Variants in PGLYRP3 observed in about 807,000 individuals in gnomAD.
The protein encoded by PGLYRP3 is peptidoglycan recognition protein 3.
A neutral mutation model predicts 36.0 loss-of-function variants in PGLYRP3; 39 were observed. That is an observed-to-expected ratio of 1.08 (90% CI 0.84 to 1.41). PGLYRP3 has a LOEUF of 1.41. Among genes scored for constraint, PGLYRP3 ranks in the 40% most tolerant of loss-of-function variants. PGLYRP3 has a pLI of 0.00. For synonymous variants in PGLYRP3, 204 were observed against 172.8 expected, an observed-to-expected ratio of 1.18 and a Z score of -1.42; for missense variants, 407 against 427.9, an observed-to-expected ratio of 0.95 and a Z score of 0.43.
Position 153,306,744 on chromosome 1 carries a change from C to T in PGLYRP3, c.257+322G>A, listed in dbSNP as rs185075839. Among the ~76,000 whole-genome samples the T allele has an allele frequency of 5.3e-3, 806 of 152,250 alleles. 18 individuals carry two copies. The highest frequency in any genetic ancestry group is 0.043 in the Admixed American group (664 of 15,304). On this transcript the variant is annotated intron_variant, in intron 3 of 7. Coordinates refer to ENST00000683862, the MANE Select transcript of PGLYRP3 (RefSeq NM_052891.3). ...CTCAGAGTAGCTGGGAGGGCCAAAT[C>T]GGGTGATATTTGTGAAGACCTCTGT...
rs535766745 is a variant in PGLYRP3 at position 153,297,499 on chromosome 1, AAAGGAAGG to A, written c.*449_*456del. 2.4e-3 allele frequency among the ~76,000 whole-genome samples: 128 copies of A among 52,744 alleles called. No individual in the cohort carries two copies. Among genetic ancestry groups the A allele is most frequent in the East Asian group, 9.9e-3 (13 of 1,316 alleles). 34.6% of individuals were successfully genotyped at this position (52,744 alleles called of 152,430 possible). ...GAGTGAGAAAGCAAGAAAGAAGGTG[AAAGGAAGG>A]AAGGAAGGAAGGAAGGAAGGAAGGA... On this transcript the variant is annotated 3_prime_UTR_variant, in exon 8 of 8. Transcript: ENST00000683862.
intron 6 of PGLYRP3, among the ~76,000 whole-genome samples, chr1:153,301,754 T>C (rs1188763466): frequency 3.3e-5 from 5 of 152,260 alleles, no homozygotes; most frequent in African/African-American, 1.2e-4. Flanking sequence ...TGAAATACAT[T>C]ATACTCTAGC....
intron 1 of PGLYRP3, among the ~76,000 whole-genome samples, chr1:153,312,370 C>T (rs1421301824): frequency 6.6e-6 from 1 of 152,156 alleles, no homozygotes; most frequent in African/African-American, 2.4e-5. Context: ...GAATTTAGGG[C>T]TCTACAGAAA....
At position 153,297,891 on chromosome 1, in the gene PGLYRP3, G is replaced by C. The variant is rs974910997; in HGVS notation, c.*65C>G. On this transcript the variant is annotated 3_prime_UTR_variant, in exon 8 of 8. Coordinates refer to ENST00000683862, the MANE Select transcript of PGLYRP3 (RefSeq NM_052891.3). The stretch of plus-strand genomic sequence containing the variant: ...GGACACAAGGTGCTGAGCCACCTTG[G>C]CTGGTGAGGGTTGGAGAGACCCAGC... 5 of 1,562,100 alleles carry C rather than the reference G, an allele frequency of 3.2e-6. No individual in the cohort carries two copies. The African/African-American group carries it at 5.4e-5, about 17-fold the overall frequency.
intron 4 of PGLYRP3, among the ~76,000 whole-genome samples, chr1:153,304,584 C>G (rs909904752): frequency 6.0e-5 from 6 of 100,150 alleles, no homozygotes; most frequent in Admixed American, 2.4e-4. Flanking sequence ...TGCCTGCTGC[C>G]TTCTGGTCAC....
intron 1 of PGLYRP3, among the ~76,000 whole-genome samples, chr1:153,310,913 C>A (rs1479041732): frequency 2.0e-5 from 3 of 152,128 alleles, no homozygotes; most frequent in Admixed American, 6.5e-5. Context: ...CACCGACTCC[C>A]CACCCACCTC....
chr1:153,302,332 C>T (rs1659616697), intron 6 of PGLYRP3, 77 bp downstream of exon 6: 3 of 1,503,976 alleles, frequency 2.0e-6, no homozygotes, highest in Admixed American at 1.7e-5. Context: ...GCTCAGGAAA[C>T]ATCAGTTCCC....
At chr1:153,306,966 T>C in intron 3 of PGLYRP3, 100 bp downstream of exon 3, 5 of 1,129,936 alleles carry the variant, frequency 4.4e-6, no homozygotes, top group Non-Finnish European at 6.3e-6. Flanking sequence ...ACAAAAGCAA[T>C]GTAAATGAAG....
intron 1 of PGLYRP3, among the ~76,000 whole-genome samples, chr1:153,311,935 C>T (rs1659904122): frequency 6.6e-6 from 1 of 152,138 alleles, no homozygotes; most frequent in African/African-American, 2.4e-5. Flanking sequence ...GAGGCAGGCA[C>T]CTAATAAATA....
At chr1:153,299,913 T>A (rs2101510014) in intron 6 of PGLYRP3, among the ~76,000 whole-genome samples, 1 of 152,332 alleles carries the variant, frequency 6.6e-6, no homozygotes, top group South Asian at 2.1e-4. Flanking sequence ...CTAGACCAAC[T>A]GCCACGATCC....
At chr1:153,300,847 C>A (rs906311192) in intron 6 of PGLYRP3, among the ~76,000 whole-genome samples, 1 of 152,228 alleles carries the variant, frequency 6.6e-6, no homozygotes, top group Admixed American at 6.5e-5. Flanking sequence ...GTTCCTGTAG[C>A]ATGCATATCC....
chr1:153,304,717 G>A (rs1362814814), intron 4 of PGLYRP3, among the ~76,000 whole-genome samples: 3 of 152,286 alleles, frequency 2.0e-5, no homozygotes, highest in South Asian at 2.1e-4. Flanking sequence ...CTCAAGCAAC[G>A]CCCATGCAAG....
intron 7 of PGLYRP3, 57 bp downstream of exon 7, chr1:153,299,056 A>G: frequency 7.1e-7 from 1 of 1,418,282 alleles, no homozygotes; most frequent in East Asian, 2.3e-5. Flanking sequence ...TGCTTCCCAG[A>G]CATGCTGCAT....
At chr1:153,304,057 C>T (rs768849731) in intron 4 of PGLYRP3, 48 bp from the exon 5 acceptor site, 6 of 1,557,882 alleles carry the variant, frequency 3.9e-6, no homozygotes, top group East Asian at 4.5e-5. Context: ...AGAAACTCCA[C>T]CTAGACCAGA....
In PGLYRP3 at chr1:153,297,449, GGGGAGAGAGAGA is replaced by G. The variant is rs1305466255; in HGVS notation, c.*495_*506del. Among the ~76,000 whole-genome samples the G allele has an allele frequency of 1.8e-5, 2 of 113,234 alleles. No homozygotes were observed. Among genetic ancestry groups the G allele is most frequent in the African/African-American group, 3.7e-5 (1 of 26,834 alleles). 74.3% of individuals were successfully genotyped at this position (113,234 alleles called of 152,430 possible). On this transcript the variant is annotated 3_prime_UTR_variant, in exon 8 of 8. Transcript: ENST00000683862. ...GCTCACCAGGCAGAGGCGGGGAGAGGGGGAGAGAGAGAGAGAGAGAGAGAGAGTGAGAAAGCA... is the reference window on the plus strand; with the variant it reads ...GCTCACCAGGCAGAGGCGGGGAGAGGGAGAGAGAGAGAGAGTGAGAAAGCA...
Position 153,303,856 on chromosome 1 carries a change from C to A in PGLYRP3, c.529+1G>T. The A allele has an allele frequency of 6.2e-7, 1 of 1,611,580 alleles. No individual in the cohort carries two copies. On this transcript the variant is annotated splice_donor_variant, in intron 5 of 7. Transcript: ENST00000683862. LOFTEE classifies it high-confidence loss of function. ...GGGTGAGGTGACATGGAGGGTCTTA[C>A]CCTTCCTGGGCATCACTGGATGTTG...
At chr1:153,302,967 G>A (rs821429) in intron 5 of PGLYRP3, among the ~76,000 whole-genome samples, 148,821 of 152,380 alleles carry the variant, frequency 0.98, 72,694 homozygotes, top group East Asian at 1. Context: ...GCTACTACGC[G>A]GAAGTCAGTG....
At chr1:153,300,932 T>C (rs1659576572) in intron 6 of PGLYRP3, among the ~76,000 whole-genome samples, 1 of 152,210 alleles carries the variant, frequency 6.6e-6, no homozygotes, top group Non-Finnish European at 1.5e-5. Flanking sequence ...TTTGTCTTTT[T>C]CAGACAGGGT....
At chr1:153,301,950 C>T (rs1254010310) in intron 6 of PGLYRP3, among the ~76,000 whole-genome samples, 1 of 152,122 alleles carries the variant, frequency 6.6e-6, no homozygotes, top group African/African-American at 2.4e-5. Flanking sequence ...AAAAGAGGCC[C>T]AGAGAGGTTA....
Sources: gnomAD v4.1 joint callset for allele counts (sites outside exome capture counted in the v4.1 genomes callset) on GRCh38, gnomAD v4.1.1 for gene constraint, MANE v1.5 for transcripts, NCBI Gene and HGNC (gene_info 2026-07-23, HGNC 2026-07-21) for gene names.